Variants in C8orf34 observed in about 807,000 individuals in gnomAD.
The protein encoded by C8orf34 is uncharacterized protein C8orf34.
C8orf34 carries 65 observed loss-of-function variants against 68.3 expected under a neutral mutation model. The ratio of observed to expected loss-of-function variants is 0.95; its 90% CI spans 0.78 to 1.17. The LOEUF (loss-of-function observed/expected upper bound fraction) is 1.17. Among genes scored for constraint, C8orf34 ranks in the 50% most tolerant of loss-of-function variants. C8orf34 has a pLI of 0.00. For synonymous variants in C8orf34, 244 were observed against 241.2 expected, an observed-to-expected ratio of 1.01 and a Z score of -0.11; for missense variants, 664 against 655.4, an observed-to-expected ratio of 1.01 and a Z score of -0.14.
chr8:68,625,735 G>A, intron 7 of C8orf34: 1 of 560,150 alleles, frequency 1.8e-6, no homozygotes, highest in Non-Finnish European at 3.2e-6. Flanking sequence ...TACATCAACA[G>A]CAATTTTAGT....
intron 1 of C8orf34, among the ~76,000 whole-genome samples, chr8:68,416,509 A>G (rs890390823): frequency 3.5e-4 from 51 of 143,740 alleles, no homozygotes; most frequent in Middle Eastern, 3.6e-3. Flanking sequence ...TTTATTAAAC[A>G]TACATTTATT....
chr8:68,400,583 C>A (rs569320525), intron 1 of C8orf34, among the ~76,000 whole-genome samples: 2 of 152,198 alleles, frequency 1.3e-5, no homozygotes, highest in South Asian at 4.1e-4. Flanking sequence ...TTTTTAGAGG[C>A]AGAATCTTGC....
At chr8:68,703,614 A>AT (rs1251587506) in intron 8 of C8orf34, among the ~76,000 whole-genome samples, 2 of 152,036 alleles carry the variant, frequency 1.3e-5, no homozygotes, top group Non-Finnish European at 2.9e-5. Flanking sequence ...ATGCTCAGGG[A>AT]TTTTAGTGCC....
chr8:68,609,690 GA>G (rs1191759696), intron 7 of C8orf34, among the ~76,000 whole-genome samples: 1 of 152,118 alleles, frequency 6.6e-6, no homozygotes, highest in African/African-American at 2.4e-5. Flanking sequence ...AGAAAATGGA[GA>G]AAACTCCATT....
At chr8:68,331,484 G>C (rs1805588396) in intron 1 of C8orf34, 145 bp downstream of exon 1, 1 of 895,430 alleles carries the variant, frequency 1.1e-6, no homozygotes, top group African/African-American at 1.6e-5. Flanking sequence ...GGATTCACTG[G>C]CATTCGCTCT....
intron 10 of C8orf34, among the ~76,000 whole-genome samples, chr8:68,738,197 A>G (rs1039923705): frequency 2.0e-5 from 3 of 152,146 alleles, no homozygotes; most frequent in Non-Finnish European, 2.9e-5. Context: ...CTCCAGAATG[A>G]CTTTTGGGTA....
intron 1 of C8orf34, among the ~76,000 whole-genome samples, chr8:68,429,473 A>T (rs541112017): frequency 2.6e-5 from 4 of 152,350 alleles, no homozygotes; most frequent in Non-Finnish European, 5.9e-5. Flanking sequence ...ACTATCTGAA[A>T]TTATTTAATA....
chr8:68,341,034 C>T (rs1308481699), intron 1 of C8orf34, among the ~76,000 whole-genome samples: 2 of 152,164 alleles, frequency 1.3e-5, no homozygotes. Flanking sequence ...GTCTTTGTAC[C>T]TTCCAGCTGC....
chr8:68,508,486 G>A (rs1814119681), intron 5 of C8orf34, among the ~76,000 whole-genome samples: 1 of 152,098 alleles, frequency 6.6e-6, no homozygotes, highest in Non-Finnish European at 1.5e-5. Flanking sequence ...TTTAGCCATA[G>A]CTACGTACTA....
chr8:68,588,089 G>A (rs758015490), intron 7 of C8orf34, among the ~76,000 whole-genome samples: 8 of 152,156 alleles, frequency 5.3e-5, no homozygotes, highest in South Asian at 4.2e-4. Context: ...TACATATGCC[G>A]GTAATTGTAC....
chr8:68,502,846 G>C (rs1210266251), intron 5 of C8orf34, among the ~76,000 whole-genome samples: 1 of 152,212 alleles, frequency 6.6e-6, no homozygotes, highest in African/African-American at 2.4e-5. Flanking sequence ...GCCTCCAGAT[G>C]AAACGATAAC....
At chr8:68,478,815 C>T (rs968161620) in intron 4 of C8orf34, among the ~76,000 whole-genome samples, 1 of 152,104 alleles carries the variant, frequency 6.6e-6, no homozygotes, top group Non-Finnish European at 1.5e-5. Flanking sequence ...GAACACTGCC[C>T]CCATGATCCA....
chr8:68,526,686 C>CA (rs370357862), intron 6 of C8orf34, among the ~76,000 whole-genome samples: 4,735 of 133,206 alleles, frequency 0.036, 300 homozygotes, highest in African/African-American at 0.12. Flanking sequence ...TGACTGGAGT[C>CA]AAAAAAAAAA....
intron 10 of C8orf34, among the ~76,000 whole-genome samples, chr8:68,731,932 T>G (rs1447616395): frequency 6.6e-6 from 1 of 152,266 alleles, no homozygotes; most frequent in East Asian, 1.9e-4. Flanking sequence ...GACCTCAGCG[T>G]TCCAGTCCTT....
At chr8:68,762,353 A>T (rs1310969626) in intron 10 of C8orf34, among the ~76,000 whole-genome samples, 1 of 152,202 alleles carries the variant, frequency 6.6e-6, no homozygotes, top group Non-Finnish European at 1.5e-5. Flanking sequence ...TTTAACTTTC[A>T]ACCTGCAATA....
chr8:68,686,453 C>A (rs1315007480), intron 8 of C8orf34, among the ~76,000 whole-genome samples: 4 of 152,040 alleles, frequency 2.6e-5, no homozygotes, highest in Non-Finnish European at 5.9e-5. Context: ...TGGGTTCATG[C>A]AGACATTCAG....
intron 8 of C8orf34, among the ~76,000 whole-genome samples, chr8:68,694,199 T>A (rs138166668): frequency 6.6e-6 from 1 of 151,708 alleles, no homozygotes; most frequent in Non-Finnish European, 1.5e-5. Flanking sequence ...CCTTCAAAAA[T>A]CCTAGGAAAA....
Position 68,446,387 on chromosome 8 carries a change from A to G in C8orf34, c.534A>G (p.Ala178=). 8.1e-6 allele frequency: 13 copies of G among 1,612,792 alleles called. No homozygotes were observed. Among genetic ancestry groups the G allele is most frequent in the Non-Finnish European group, 1.1e-5 (13 of 1,179,450 alleles). Residue 178 remains alanine, a synonymous_variant, in exon 3 of 14, where the codon GCA becomes GCG. Coordinates refer to ENST00000518698, the MANE Select transcript of C8orf34 (RefSeq NM_052958.4). ...ATGATAAACCTTGGCAATTAAATGC[A>G]AAGAAGCCTAAAAAATCAAAAAGTG... The part of the protein sequence containing the change: ...RSYDKPWQLN[A]KKPKKSKSDL...
At chr8:68,573,276 G>T (rs192387640) in intron 7 of C8orf34, among the ~76,000 whole-genome samples, 2 of 152,072 alleles carry the variant, frequency 1.3e-5, no homozygotes, top group African/African-American at 4.8e-5. Context: ...AAATGTGGGT[G>T]GAAATGACAG....
Sources: allele counts gnomAD v4.1 joint callset (sites outside exome capture counted in the v4.1 genomes callset), GRCh38; gene constraint gnomAD v4.1.1; transcripts MANE v1.5; gene names NCBI Gene and HGNC (gene_info 2026-07-23, HGNC 2026-07-21).